Variants in KCNN3 observed in about 807,000 individuals in gnomAD.
KCNN3 encodes potassium calcium-activated channel subfamily N member 3, also known as small conductance calcium-activated potassium channel protein 3.
A neutral mutation model predicts 62.9 loss-of-function variants in KCNN3; 16 were observed. The observed-to-expected ratio is 0.25, with a 90% CI of 0.17 to 0.39. KCNN3 has a LOEUF of 0.39. Ranked by LOEUF, KCNN3 falls within the 10% of genes least tolerant of loss-of-function variation. KCNN3 has a pLI of 1.00. For missense variants in KCNN3, 599 were observed against 949.4 expected, an observed-to-expected ratio of 0.63 and a Z score of 4.85; for synonymous variants, 370 against 389.2, an observed-to-expected ratio of 0.95 and a Z score of 0.58.
chr1:154,744,232 AAT>A (rs1309531558), intron 3 of KCNN3, among the ~76,000 whole-genome samples: 1 of 152,156 alleles, frequency 6.6e-6, no homozygotes, highest in Non-Finnish European at 1.5e-5. Context: ...CCAATGAATG[AAT>A]GAATGAATGA....
At chr1:154,856,477 T>A (rs1161985290) in intron 1 of KCNN3, among the ~76,000 whole-genome samples, 2 of 152,218 alleles carry the variant, frequency 1.3e-5, no homozygotes, top group South Asian at 2.1e-4. Flanking sequence ...TTCCCGCAGA[T>A]GGCCAGTGCA....
At chr1:154,865,458 G>A (rs977328031) in intron 1 of KCNN3, among the ~76,000 whole-genome samples, 2 of 152,118 alleles carry the variant, frequency 1.3e-5, no homozygotes, top group Admixed American at 6.5e-5. Context: ...CATGTCCCAG[G>A]CATAATAATG....
chr1:154,853,198 T>C (rs894835600), intron 1 of KCNN3, among the ~76,000 whole-genome samples: 1 of 152,026 alleles, frequency 6.6e-6, no homozygotes, highest in Non-Finnish European at 1.5e-5. Context: ...CATGCTGTCC[T>C]GGCTGGTCTC....
At chr1:154,830,541 T>G (rs1314611022) in intron 1 of KCNN3, among the ~76,000 whole-genome samples, 1 of 152,232 alleles carries the variant, frequency 6.6e-6, no homozygotes. Context: ...CTCTGCAGAC[T>G]GGGCCCGGCA....
chr1:154,734,676 C>T (rs374367834), intron 3 of KCNN3, among the ~76,000 whole-genome samples: 1 of 152,216 alleles, frequency 6.6e-6, no homozygotes, highest in African/African-American at 2.4e-5. Context: ...CAGAAAGGGA[C>T]AGGGCCATCA....
chr1:154,785,762 G>A (rs1649257060), intron 2 of KCNN3, among the ~76,000 whole-genome samples: 1 of 151,490 alleles, frequency 6.6e-6, no homozygotes, highest in South Asian at 2.1e-4. Context: ...CACCACACCC[G>A]GCTAATTTTT....
At chr1:154,805,497 G>C (rs1309442884) in intron 2 of KCNN3, among the ~76,000 whole-genome samples, 1 of 152,218 alleles carries the variant, frequency 6.6e-6, no homozygotes, top group Non-Finnish European at 1.5e-5. Flanking sequence ...CACTGGTTCA[G>C]AGTTTATGCA....
intron 1 of KCNN3, among the ~76,000 whole-genome samples, chr1:154,866,050 C>T (rs1460143098): frequency 6.6e-6 from 1 of 152,150 alleles, no homozygotes; most frequent in Admixed American, 6.5e-5. Context: ...CCTGAGCTCT[C>T]CTGGGCTGTG....
intron 1 of KCNN3, among the ~76,000 whole-genome samples, chr1:154,848,764 C>T (rs1571336132): frequency 6.6e-6 from 1 of 152,280 alleles, no homozygotes; most frequent in Admixed American, 6.5e-5. Flanking sequence ...CCAGCTCAAC[C>T]CCTACTTCTT....
chr1:154,724,927 G>A (rs1205410060), intron 5 of KCNN3, among the ~76,000 whole-genome samples: 1 of 151,808 alleles, frequency 6.6e-6, no homozygotes, highest in Non-Finnish European at 1.5e-5. Context: ...CGCGATCTCG[G>A]TTCACTGCAA....
At chr1:154,757,395 T>A (rs1647774025) in intron 3 of KCNN3, among the ~76,000 whole-genome samples, 1 of 152,186 alleles carries the variant, frequency 6.6e-6, no homozygotes, top group Non-Finnish European at 1.5e-5. Flanking sequence ...CTGTGGCTCT[T>A]ATCTGGTAGT....
intron 1 of KCNN3, among the ~76,000 whole-genome samples, chr1:154,826,350 T>C (rs372718623): frequency 1.3e-5 from 2 of 152,294 alleles, no homozygotes; most frequent in East Asian, 3.9e-4. Context: ...TTGATGACAA[T>C]AATCTGTAAT....
chr1:154,720,204 C>G (rs1700318478), intron 5 of KCNN3, among the ~76,000 whole-genome samples: 2 of 152,208 alleles, frequency 1.3e-5, no homozygotes, highest in South Asian at 4.1e-4. Flanking sequence ...TCGCCCCTTT[C>G]TGGGCCTTCG....
chr1:154,852,891 C>G (rs1042565056), intron 1 of KCNN3, among the ~76,000 whole-genome samples: 1 of 152,184 alleles, frequency 6.6e-6, no homozygotes, highest in African/African-American at 2.4e-5. Context: ...CCTTGCTATT[C>G]CTCTTCCCCC....
intron 2 of KCNN3, among the ~76,000 whole-genome samples, chr1:154,807,399 C>A (rs542152564): frequency 6.6e-6 from 1 of 152,316 alleles, no homozygotes; most frequent in East Asian, 1.9e-4. Flanking sequence ...GCACTTCAAC[C>A]TTTTGAGCCC....
intron 2 of KCNN3, among the ~76,000 whole-genome samples, chr1:154,802,587 A>C (rs1410114864): frequency 6.6e-6 from 1 of 152,208 alleles, no homozygotes; most frequent in Non-Finnish European, 1.5e-5. Flanking sequence ...TGGTGAACAG[A>C]GGATGACCTA....
At chr1:154,778,735 G>A (rs1438712028) in intron 2 of KCNN3, among the ~76,000 whole-genome samples, 1 of 147,960 alleles carries the variant, frequency 6.8e-6, no homozygotes, top group Non-Finnish European at 1.5e-5. Flanking sequence ...CTGAGTAACT[G>A]GGATAACAGG....
intron 3 of KCNN3, among the ~76,000 whole-genome samples, chr1:154,770,670 G>A (rs910931013): frequency 1.3e-5 from 2 of 152,184 alleles, no homozygotes; most frequent in African/African-American, 4.8e-5. Flanking sequence ...AGCCCAGAGA[G>A]GTTAAGTAAC....
intron 3 of KCNN3, among the ~76,000 whole-genome samples, chr1:154,734,313 A>G (rs767727836): frequency 2.6e-5 from 4 of 152,196 alleles, no homozygotes; most frequent in Non-Finnish European, 4.4e-5. Flanking sequence ...AACCACTTGG[A>G]GGCCACTGGA....
Sources: allele counts gnomAD v4.1 joint callset (sites outside exome capture counted in the v4.1 genomes callset), GRCh38; gene constraint gnomAD v4.1.1; transcripts MANE v1.5; gene names NCBI Gene and HGNC (gene_info 2026-07-23, HGNC 2026-07-21).